Variants in DENND4C observed in about 807,000 individuals in gnomAD.
The protein encoded by DENND4C is DENN domain-containing protein 4C.
DENND4C carries 108 observed loss-of-function variants against 203.0 expected under a neutral mutation model. The observed-to-expected ratio is 0.53, with a 90% CI of 0.46 to 0.62. The LOEUF is 0.62. DENND4C is among the 20% of genes least tolerant of loss of function. The pLI, the probability that DENND4C is intolerant of heterozygous loss-of-function variation, is 0.00. For missense variants in DENND4C, 2,481 were observed against 2,301.2 expected (o/e 1.08, Z -1.60); for synonymous variants, 871 against 792.4 (o/e 1.10, Z -1.67).
chr9:19,332,979 G>C (rs1457064751), intron 17 of DENND4C, among the ~76,000 whole-genome samples: 2 of 150,152 alleles, frequency 1.3e-5, no homozygotes. Flanking sequence ...CTTAGGACCT[G>C]TGTCCTAAGG....
intron 1 of DENND4C, among the ~76,000 whole-genome samples, chr9:19,268,755 C>T (rs1417478079): frequency 2.0e-5 from 3 of 151,932 alleles, no homozygotes; most frequent in Non-Finnish European, 4.4e-5. Context: ...TTAAATATGT[C>T]ATACACTCTC....
intron 23 of DENND4C, among the ~76,000 whole-genome samples, chr9:19,349,135 T>C (rs986735728): frequency 6.6e-6 from 1 of 152,130 alleles, no homozygotes; most frequent in African/African-American, 2.4e-5. Flanking sequence ...AGGTTGGTTA[T>C]GAGGACTCAT....
chr9:19,360,120 A>T (rs1411565014), intron 28 of DENND4C, 124 bp from the exon 29 acceptor site: 1 of 950,366 alleles, frequency 1.1e-6, no homozygotes, highest in Non-Finnish European at 1.6e-6. Context: ...ATTCTCTTGC[A>T]TGTAGCAATG....
At chr9:19,286,667 A>C (rs1470863496) in intron 2 of DENND4C, 102 bp from the exon 3 acceptor site, 16 of 1,126,660 alleles carry the variant, frequency 1.4e-5, no homozygotes, top group Non-Finnish European at 1.8e-5. Flanking sequence ...GATTTCAAGA[A>C]GAAAACCAGC....
Position 19,324,407 on chromosome 9 carries a change from T to A in DENND4C, c.1853T>A (p.Leu618His). The A allele has an allele frequency of 1.9e-6, 3 of 1,612,424 alleles. No homozygotes were observed. Among genetic ancestry groups the A allele is most frequent in the Non-Finnish European group, 2.5e-6 (3 of 1,179,398 alleles). ...RDRAYAKFYTLLSKTQIFIRF... is the reference protein window; with the variant it reads ...RDRAYAKFYTHLSKTQIFIRF... ...CGTGCCTATGCAAAATTCTATACCC[T>A]TTTATCCAAAACACAGATTTTTATT... The change falls in exon 13 of 33, where the codon CTT (leucine) becomes CAT (histidine). Residue 618 changes from leucine (L) to histidine (H), a missense_variant. By Grantham distance (99) the Leu-to-His change is moderately conservative. Transcript: ENST00000434457.
intron 1 of DENND4C, among the ~76,000 whole-genome samples, chr9:19,261,489 A>G (rs1829339091): frequency 6.8e-6 from 1 of 148,148 alleles, no homozygotes; most frequent in Non-Finnish European, 1.5e-5. Flanking sequence ...CTTTCAATCC[A>G]TGGACATGGA....
intron 31 of DENND4C, among the ~76,000 whole-genome samples, chr9:19,370,827 C>T (rs1828693207): frequency 6.6e-6 from 1 of 152,208 alleles, no homozygotes; most frequent in South Asian, 2.1e-4. Flanking sequence ...TGCGTAATCG[C>T]GTATATCAAA....
chr9:19,291,252 T>A (rs960873983), intron 5 of DENND4C: 2 of 158,378 alleles, frequency 1.3e-5, no homozygotes, highest in African/African-American at 4.8e-5. Flanking sequence ...TGTTATAAAT[T>A]AAAATATCAT....
At chr9:19,301,320 C>T (rs1042838347) in intron 9 of DENND4C, among the ~76,000 whole-genome samples, 1 of 152,222 alleles carries the variant, frequency 6.6e-6, no homozygotes, top group African/African-American at 2.4e-5. Context: ...CTTCTCTTCC[C>T]TTCCCCATTT....
At chr9:19,328,762 G>C (rs1356922806) in intron 16 of DENND4C, among the ~76,000 whole-genome samples, 1 of 151,686 alleles carries the variant, frequency 6.6e-6, no homozygotes, top group African/African-American at 2.4e-5. Context: ...TAATCTGTAG[G>C]AATTGGCCGG....
intron 2 of DENND4C, among the ~76,000 whole-genome samples, chr9:19,279,971 T>A (rs1159290676): frequency 6.6e-6 from 1 of 152,118 alleles, no homozygotes; most frequent in African/African-American, 2.4e-5. Context: ...CATTTTCATA[T>A]TGAAGGAAGA....
At chr9:19,266,772 G>A (rs142460239) in intron 1 of DENND4C, among the ~76,000 whole-genome samples, 29 of 152,274 alleles carry the variant, frequency 1.9e-4, no homozygotes, top group Non-Finnish European at 2.9e-4. Context: ...CTGGCTAGCC[G>A]TATGTAGAGG....
chr9:19,289,844 A>AAC (rs1167060787), intron 4 of DENND4C, among the ~76,000 whole-genome samples: 1 of 151,558 alleles, frequency 6.6e-6, no homozygotes, highest in Non-Finnish European at 1.5e-5. Flanking sequence ...AAAAAAAAAA[A>AAC]AGTGATACTG....
At chr9:19,354,760 G>A (rs1261274733) in intron 26 of DENND4C, among the ~76,000 whole-genome samples, 1 of 151,692 alleles carries the variant, frequency 6.6e-6, no homozygotes, top group East Asian at 1.9e-4. Context: ...TAGCCAGGCT[G>A]GTCTCGAACT....
intron 23 of DENND4C, among the ~76,000 whole-genome samples, chr9:19,347,969 G>T (rs1412568062): frequency 6.6e-6 from 1 of 152,050 alleles, no homozygotes; most frequent in Non-Finnish European, 1.5e-5. Flanking sequence ...GGTAAGTTTT[G>T]CTTGTTTTAC....
At chr9:19,258,686 T>C (rs1474024294) in intron 1 of DENND4C, among the ~76,000 whole-genome samples, 2 of 148,130 alleles carry the variant, frequency 1.4e-5, no homozygotes, top group Admixed American at 1.3e-4. Flanking sequence ...GACAGATTCT[T>C]GCTCTGTTTC....
At chr9:19,306,524 C>T (rs2131389627) in intron 10 of DENND4C, among the ~76,000 whole-genome samples, 1 of 152,128 alleles carries the variant, frequency 6.6e-6, no homozygotes, top group East Asian at 1.9e-4. Flanking sequence ...TTGTAGGCTA[C>T]TCTCCCTGAA....
At position 19,346,587 on chromosome 9, in the gene DENND4C, T is replaced by C. The variant is rs1161097782; in HGVS notation, c.3818T>C (p.Phe1273Ser). 2 of 1,614,184 alleles carry C rather than the reference T, an allele frequency of 1.2e-6. No individual in the cohort carries two copies. The highest frequency in any genetic ancestry group is 8.5e-7 in the Non-Finnish European group (1 of 1,180,036). Residue 1273 changes from phenylalanine to serine, a missense_variant, in exon 23 of 33, where the codon TTT becomes TCT. This residue lies in a region of DENND4C where 2,289 missense variants were observed against 2,113.3 expected (regional missense o/e 1.08). Coordinates refer to ENST00000434457, the MANE Select transcript of DENND4C (RefSeq NM_001330640.2). Reference sequence around the variant, plus strand: ...ACTCCTGATTCTGAAGATAAGTTGTTTTCTCCAGTTATTGCACGTAATCTG... The same window carrying C: ...ACTCCTGATTCTGAAGATAAGTTGTCTTCTCCAGTTATTGCACGTAATCTG... ...GKTPDSEDKL[F>S]SPVIARNLAD...
At chr9:19,343,503 A>G (rs1822130832) in intron 22 of DENND4C, among the ~76,000 whole-genome samples, 3 of 152,216 alleles carry the variant, frequency 2.0e-5, no homozygotes, top group Admixed American at 1.3e-4. Context: ...GACTGTACAG[A>G]AATTAATTTG....
Sources: gnomAD v4.1 joint callset for allele counts (sites outside exome capture counted in the v4.1 genomes callset) on GRCh38, gnomAD v4.1.1 for gene constraint, gnomAD v4.1.1 regional missense constraint, MANE v1.5 for transcripts, NCBI Gene and HGNC (gene_info 2026-07-23, HGNC 2026-07-21) for gene names.